The following ITIH4 variants were observed in gnomAD, a reference collection of about 807,000 sequenced individuals.
ITIH4 encodes the protein inter-alpha-trypsin inhibitor heavy chain 4, also known as inter-alpha-trypsin inhibitor heavy chain H4.
In ITIH4, 79 loss-of-function variants were observed where a neutral mutation model predicts 111.8. The observed-to-expected ratio is 0.71, with a 90% confidence interval of 0.59 to 0.85. The LOEUF is 0.85. ITIH4 is among the 40% of genes least tolerant of loss of function. The pLI, the probability that ITIH4 is intolerant of heterozygous loss-of-function variation, is 0.00. For missense variants in ITIH4, 1,065 were observed against 1,195.8 expected, an observed-to-expected ratio of 0.89 and a Z score of 1.61; for synonymous variants, 472 against 468.3, an observed-to-expected ratio of 1.01 and a Z score of -0.10.
chr3:52,820,931 T>C, intron 12 of ITIH4, 60 bp downstream of exon 12: 8 of 1,591,830 alleles, frequency 5.0e-6, no homozygotes, highest in Admixed American at 1.7e-5. Flanking sequence ...TTAGGCGCTG[T>C]ACCGTGCCAC....
At chr3:52,818,334 A>T in intron 18 of ITIH4, 51 bp from the exon 19 acceptor site, 1 of 1,569,558 alleles carries the variant, frequency 6.4e-7, no homozygotes. Flanking sequence ...GAGGAGTGGG[A>T]GGTTGAGGGA....
Position 52,824,630 on chromosome 3 carries a change from C to A in ITIH4, c.877-65G>T. The A allele has an allele frequency of 6.6e-7, 1 of 1,519,102 alleles. No homozygotes were observed. The highest frequency in any genetic ancestry group is 1.8e-5 in the Admixed American group (1 of 55,146). 94.1% of individuals were successfully genotyped at this position (1,519,102 alleles called of 1,614,324 possible). Reference sequence around the variant, plus strand: ...CCCTGAGGGCTCGTGTGCCCTAGGGCTGGCATCCTTGGACTCCTGTCTCAG... The same window carrying A: ...CCCTGAGGGCTCGTGTGCCCTAGGGATGGCATCCTTGGACTCCTGTCTCAG... On this transcript the variant is annotated intron_variant, in intron 7 of 23. Coordinates refer to ENST00000266041, the MANE Select transcript of ITIH4 (RefSeq NM_002218.5). This position sits in a 1 kb window ranked among gnomAD's most constrained non-coding sequence, Gnocchi z 4.3.
intron 11 of ITIH4, among the ~76,000 whole-genome samples, chr3:52,821,691 C>T (rs1463083760): frequency 2.0e-5 from 3 of 152,168 alleles, no homozygotes; most frequent in Non-Finnish European, 4.4e-5. Flanking sequence ...GGGAAGCATG[C>T]ACCCAAGCTC....
Position 52,816,866 on chromosome 3 carries a change from C to A in ITIH4, c.2471+18G>T, listed in dbSNP as rs762541755. On this transcript the variant is annotated intron_variant, in intron 21 of 23. Transcript: ENST00000266041. ...CTGAAAGGTCAACCCCTGCCCCGGG[C>A]TCCAGCCTGGGCCTTACCCGGGCAT... 6.2e-7 allele frequency: 1 copy of A among 1,610,076 alleles called. No homozygotes were observed. The highest frequency in any genetic ancestry group is 1.7e-5 in the Admixed American group (1 of 59,778).
chr3:52,817,287 C>A (rs989785828), intron 20 of ITIH4, among the ~76,000 whole-genome samples: 3 of 152,210 alleles, frequency 2.0e-5, no homozygotes. Context: ...AAATCCTCGG[C>A]GACGGCCACC....
At chr3:52,816,769 T>G in intron 21 of ITIH4, 115 bp downstream of exon 21, 1 of 972,904 alleles carries the variant, frequency 1.0e-6, no homozygotes, top group Non-Finnish European at 1.6e-6. Flanking sequence ...GCCCCTCCTG[T>G]GAGTGTAGCT....
At chr3:52,826,158 G>A in intron 5 of ITIH4, 144 bp from the exon 6 acceptor site, 1 of 1,172,716 alleles carries the variant, frequency 8.5e-7, no homozygotes, top group Non-Finnish European at 1.2e-6. Context: ...TTCAGGCTGA[G>A]TTATTGATGG....
At chr3:52,819,849 A>G in intron 15 of ITIH4, 57 bp from the exon 16 acceptor site, 2 of 1,608,948 alleles carry the variant, frequency 1.2e-6, no homozygotes, top group Non-Finnish European at 1.7e-6. Context: ...GGCTGTCACC[A>G]GCCAGAGGAG....
chr3:52,816,818 G>T, intron 21 of ITIH4, 66 bp downstream of exon 21: 1 of 1,490,994 alleles, frequency 6.7e-7, no homozygotes, highest in Non-Finnish European at 9.2e-7. Flanking sequence ...CCACCTGCTG[G>T]TACCATCATC....
intron 2 of ITIH4, 149 bp downstream of exon 2, chr3:52,828,969 CT>C: frequency 1.6e-6 from 1 of 635,738 alleles, no homozygotes; most frequent in Non-Finnish European, 2.5e-6. Flanking sequence ...TGGCAAGCCC[CT>C]GTTCCTGTGT....
chr3:52,817,432 A>ATCCT (rs1454740829), intron 20 of ITIH4, among the ~76,000 whole-genome samples: 3 of 152,210 alleles, frequency 2.0e-5, no homozygotes, highest in African/African-American at 4.8e-5. Flanking sequence ...CCCTCAGGAA[A>ATCCT]GACATTCCTA....
At position 52,827,079 on chromosome 3, in the gene ITIH4, C is replaced by T. The variant is rs9821055; in HGVS notation, c.356+14G>A. 5 of 1,612,264 alleles carry T rather than the reference C, an allele frequency of 3.1e-6. No homozygotes were observed. In the South Asian group the frequency reaches 5.5e-5, roughly 18 times the overall value. ...CTAGACCCTCCCCACTGAAGCTGCC[C>T]CCCACCAGCTCACTTGACGAGGCCA... On this transcript the variant is annotated intron_variant, in intron 3 of 23. Transcript: ENST00000266041.
intron 2 of ITIH4, among the ~76,000 whole-genome samples, chr3:52,827,651 T>G (rs1700506441): frequency 6.6e-6 from 1 of 152,182 alleles, no homozygotes; most frequent in African/African-American, 2.4e-5. Context: ...GGGCCAGGAC[T>G]GAGGAGGAAG....
intron 6 of ITIH4, 33 bp downstream of exon 6, chr3:52,825,853 A>C (rs774135147): frequency 6.2e-7 from 1 of 1,605,696 alleles, no homozygotes; most frequent in Admixed American, 1.7e-5. Context: ...ACAGACTTCT[A>C]GGCTGCTCTG....
At position 52,830,465 on chromosome 3, in the gene ITIH4, G is replaced by C. The variant is rs544812072; in HGVS notation, c.90+88C>G. ...ACAGGGATGCACACGCACTTGTGCTGACACGCTGGCACATGCGGAGGCTCT... is the reference window on the plus strand; with the variant it reads ...ACAGGGATGCACACGCACTTGTGCTCACACGCTGGCACATGCGGAGGCTCT... On this transcript the variant is annotated intron_variant, in intron 1 of 23. Coordinates refer to ENST00000266041, the MANE Select transcript of ITIH4 (RefSeq NM_002218.5). 1,045 of 1,270,066 alleles carry C rather than the reference G, an allele frequency of 8.2e-4. 3 individuals are homozygous for C. The highest frequency in any genetic ancestry group is 1.1e-3 in the Non-Finnish European group (959 of 867,146). 78.7% of individuals were successfully genotyped at this position (1,270,066 alleles called of 1,614,324 possible). A position where few individuals can be genotyped will look rare whatever the true frequency, so the allele number is the denominator to read the frequency against.
intron 15 of ITIH4, 47 bp from the exon 16 acceptor site, chr3:52,819,839 G>A (rs1700346303): frequency 6.2e-7 from 1 of 1,611,080 alleles, no homozygotes; most frequent in South Asian, 1.1e-5. Context: ...GAGGCCCGAG[G>A]GCTGTCACCA....
At position 52,824,747 on chromosome 3, in the gene ITIH4, A is replaced by C; in HGVS notation, c.876+95T>G. ...GAGAGCCACCCGCCCCATGGTGCCG[A>C]AAGGTGAAGCAAGGGGGTCTGCCTG... On this transcript the variant is annotated intron_variant, in intron 7 of 23. Transcript: ENST00000266041. This position sits in a 1 kb window ranked among gnomAD's most constrained non-coding sequence, Gnocchi z 4.3. 3.1e-6 allele frequency: 4 copies of C among 1,280,852 alleles called. No individual in the cohort carries two copies. The highest frequency in any genetic ancestry group is 4.4e-6 in the Non-Finnish European group (4 of 909,386). 79.3% of individuals were successfully genotyped at this position (1,280,852 alleles called of 1,614,324 possible).
In ITIH4 at chr3:52,817,047, T is replaced by A. The variant is rs1559478199; in HGVS notation, c.2308A>T (p.Thr770Ser). ...GCCTTCTCCCTCTCATACTGGCCAG[T>A]CACCTCAACCCCTGGGAGGACCAGA... ...LSDPEQGVEV[T>S]GQYEREKAGF... The change falls in exon 21 of 24, where the codon ACT becomes TCT. Residue 770 changes from threonine (T) to serine (S), a missense_variant. By Grantham distance (58) the Thr-to-Ser change is moderately conservative. Coordinates refer to ENST00000266041, the MANE Select transcript of ITIH4 (RefSeq NM_002218.5). 1 of 1,612,714 alleles carries A rather than the reference T, an allele frequency of 6.2e-7. No individual in the cohort carries two copies. The highest frequency in any genetic ancestry group is 1.7e-5 in the Admixed American group (1 of 59,952).
In ITIH4 at chr3:52,824,082, G is replaced by C; in HGVS notation, c.1172-78C>G. The C allele has an allele frequency of 3.8e-6, 6 of 1,560,040 alleles. No homozygotes were observed. Among genetic ancestry groups the C allele is most frequent in the Non-Finnish European group, 5.2e-6 (6 of 1,151,396 alleles). On this transcript the variant is annotated intron_variant, in intron 9 of 23. Coordinates refer to ENST00000266041, the MANE Select transcript of ITIH4 (RefSeq NM_002218.5). This position sits in a 1 kb window ranked among gnomAD's most constrained non-coding sequence, Gnocchi z 4.3. The stretch of plus-strand genomic sequence containing the variant: ...ATATTTCTGGAACCTCAGAGCCGAG[G>C]GGCCTCAGTGACCCCCTCTCCCTGC...
Sources: allele counts gnomAD v4.1 joint callset (sites outside exome capture counted in the v4.1 genomes callset), GRCh38; gene constraint gnomAD v4.1.1; non-coding constraint Gnocchi (gnomAD v3.1); transcripts MANE v1.5; gene names NCBI Gene and HGNC (gene_info 2026-07-23, HGNC 2026-07-21).